Variants in CEP112 observed in about 807,000 individuals in gnomAD.
The protein encoded by CEP112 is centrosomal protein of 112 kDa.
A neutral mutation model predicts 153.0 loss-of-function variants in CEP112; 127 were observed. The ratio of observed to expected loss-of-function variants is 0.83; its 90% confidence interval spans 0.72 to 0.96. The LOEUF (loss-of-function observed/expected upper bound fraction) is 0.96. Ranked by LOEUF, CEP112 falls within the 40% of genes least tolerant of loss-of-function variation. The pLI is 0.00. For synonymous variants in CEP112, 358 were observed against 374.4 expected, an observed-to-expected ratio of 0.96 and a Z score of 0.51; for missense variants, 1,089 against 1,101.2, an observed-to-expected ratio of 0.99 and a Z score of 0.16.
chr17:65,770,605 T>C (rs2053287913), intron 21 of CEP112, among the ~76,000 whole-genome samples: 1 of 152,084 alleles, frequency 6.6e-6, no homozygotes, highest in Non-Finnish European at 1.5e-5. Context: ...TATTCTCACG[T>C]TAAAATTTCT....
intron 21 of CEP112, among the ~76,000 whole-genome samples, chr17:65,805,653 G>C (rs2055554259): frequency 6.6e-6 from 1 of 152,142 alleles, no homozygotes; most frequent in Admixed American, 6.6e-5. Flanking sequence ...CTGACTTGCG[G>C]AACATTTTAT....
chr17:65,684,599 G>C (rs2144295372), intron 24 of CEP112, among the ~76,000 whole-genome samples: 1 of 152,230 alleles, frequency 6.6e-6, no homozygotes, highest in Non-Finnish European at 1.5e-5. Context: ...GTCTCACTGT[G>C]AATAACGAAA....
At chr17:66,146,166 T>G (rs2070909975) in intron 4 of CEP112, among the ~76,000 whole-genome samples, 1 of 151,934 alleles carries the variant, frequency 6.6e-6, no homozygotes, top group Non-Finnish European at 1.5e-5. Context: ...CTCTATTTCA[T>G]GTAGGAAAAA....
intron 25 of CEP112, among the ~76,000 whole-genome samples, chr17:65,640,154 A>ATATATATATATATATTTT (rs1300751452): frequency 2.6e-5 from 2 of 78,348 alleles, no homozygotes; most frequent in African/African-American, 1.4e-4. Context: ...ATATATATAT[A>ATATATATATATATATTTT]TTTTTTTTTT....
chr17:65,706,601 C>T (rs563922422), intron 23 of CEP112, among the ~76,000 whole-genome samples: 1 of 152,316 alleles, frequency 6.6e-6, no homozygotes, highest in Admixed American at 6.5e-5. Flanking sequence ...CACTTTATTT[C>T]CCTCTCCTTC....
intron 21 of CEP112, among the ~76,000 whole-genome samples, chr17:65,817,985 T>C (rs2056357317): frequency 6.6e-6 from 1 of 151,874 alleles, no homozygotes; most frequent in Non-Finnish European, 1.5e-5. Flanking sequence ...TGTTAAAATA[T>C]ATTTTCATCC....
intron 4 of CEP112, among the ~76,000 whole-genome samples, chr17:66,134,446 C>T (rs2070345794): frequency 6.6e-6 from 1 of 152,188 alleles, no homozygotes; most frequent in Non-Finnish European, 1.5e-5. Flanking sequence ...GTCTCCTAGA[C>T]ACTCAAGAAA....
chr17:65,710,683 C>T (rs2049133250), intron 23 of CEP112, among the ~76,000 whole-genome samples: 1 of 152,178 alleles, frequency 6.6e-6, no homozygotes, highest in African/African-American at 2.4e-5. Context: ...GTAAGAGGAA[C>T]TGAAGATATG....
chr17:66,070,108 C>T (rs1046571498), intron 8 of CEP112, 107 bp from the exon 9 acceptor site: 34 of 641,140 alleles, frequency 5.3e-5, no homozygotes, highest in Admixed American at 1.7e-4. Context: ...TATCATTTTC[C>T]ACCTTTACCT....
intron 22 of CEP112, among the ~76,000 whole-genome samples, chr17:65,745,239 T>C (rs1567952214): frequency 6.6e-6 from 1 of 152,198 alleles, no homozygotes; most frequent in African/African-American, 2.4e-5. Context: ...AAATATATAA[T>C]AACAACATGT....
intron 9 of CEP112, 59 bp downstream of exon 9, chr17:66,069,856 A>G: frequency 1.0e-6 from 1 of 968,920 alleles, no homozygotes; most frequent in Non-Finnish European, 1.6e-6. Flanking sequence ...ATGGATCATC[A>G]TAAAACCTAG....
At chr17:66,054,055 G>T (rs1482479267) in intron 11 of CEP112, among the ~76,000 whole-genome samples, 176 bp from the exon 12 acceptor site, 1 of 152,082 alleles carries the variant, frequency 6.6e-6, no homozygotes, top group Admixed American at 6.6e-5. Flanking sequence ...TAAAAAGCAG[G>T]ATCAAGAAAC....
At chr17:66,024,155 G>A (rs1461743655) in intron 16 of CEP112, among the ~76,000 whole-genome samples, 1 of 152,070 alleles carries the variant, frequency 6.6e-6, no homozygotes. Flanking sequence ...ATTAGGCATA[G>A]AAGGAATACA....
At chr17:65,834,422 G>T (rs1039018764) in intron 21 of CEP112, among the ~76,000 whole-genome samples, 1 of 152,042 alleles carries the variant, frequency 6.6e-6, no homozygotes, top group Non-Finnish European at 1.5e-5. Flanking sequence ...ACAACCTACA[G>T]AATGGGAAAA....
intron 23 of CEP112, among the ~76,000 whole-genome samples, chr17:65,692,417 C>T (rs969597544): frequency 2.0e-5 from 3 of 151,804 alleles, no homozygotes; most frequent in Non-Finnish European, 2.9e-5. Context: ...TTAGTAGAGA[C>T]GAGGTTTCAC....
chr17:65,641,608 T>C (rs988031116), intron 24 of CEP112, among the ~76,000 whole-genome samples: 1 of 152,090 alleles, frequency 6.6e-6, no homozygotes, highest in Non-Finnish European at 1.5e-5. Flanking sequence ...TAGCTGGGCA[T>C]GGTGGTGCAC....
intron 18 of CEP112, among the ~76,000 whole-genome samples, chr17:65,935,722 G>A (rs992171063): frequency 6.0e-5 from 9 of 151,110 alleles, no homozygotes; most frequent in African/African-American, 1.9e-4. Flanking sequence ...AACAAAAACG[G>A]GACACAGGAT....
At chr17:65,740,137 G>C (rs1394064310) in intron 23 of CEP112, among the ~76,000 whole-genome samples, 1 of 152,030 alleles carries the variant, frequency 6.6e-6, no homozygotes, top group Non-Finnish European at 1.5e-5. Context: ...CATTTTCACT[G>C]AAAAATATCA....
At chr17:66,026,214 A>G (rs2065202876) in intron 16 of CEP112, among the ~76,000 whole-genome samples, 1 of 152,180 alleles carries the variant, frequency 6.6e-6, no homozygotes, top group African/African-American at 2.4e-5. Flanking sequence ...CTAAAAGCCC[A>G]GACTTCATGA....
Sources: allele counts gnomAD v4.1 joint callset (sites outside exome capture counted in the v4.1 genomes callset), GRCh38; gene constraint gnomAD v4.1.1; transcripts MANE v1.5; gene names NCBI Gene and HGNC (gene_info 2026-07-23, HGNC 2026-07-21).